DNAAF11: variants seen among roughly 807,000 people sequenced by gnomAD.
DNAAF11 encodes the protein dynein axonemal assembly factor 11.
DNAAF11 carries 45 observed loss-of-function variants against 60.8 expected under a neutral mutation model. The observed-to-expected ratio is 0.74, with a 90% CI of 0.58 to 0.95. The LOEUF (loss-of-function observed/expected upper bound fraction) is 0.95. DNAAF11 is among the 40% of genes least tolerant of loss of function. The pLI is 0.00. For missense variants in DNAAF11, 546 were observed against 546.2 expected, an observed-to-expected ratio of 1.00 and a Z score of 0.00; for synonymous variants, 191 against 183.5, an observed-to-expected ratio of 1.04 and a Z score of -0.33.
rs1814190616 is a variant in DNAAF11, at chr8:132,571,559, G to C, written c.*747C>G. On this transcript the variant is annotated 3_prime_UTR_variant, in exon 12 of 12. Coordinates refer to ENST00000620350, the MANE Select transcript of DNAAF11 (RefSeq NM_012472.6). ...GGGGAGGGAGGGGAAGAAGGAGCAG[G>C]GAGGAGGAGAGACAGGAGAAAGGGA... Among the ~76,000 whole-genome samples the C allele has an allele frequency of 6.6e-6, 1 of 152,016 alleles. No individual in the cohort carries two copies. Among genetic ancestry groups the C allele is most frequent in the Non-Finnish European group, 1.5e-5 (1 of 67,992 alleles).
At chr8:132,687,462 C>T in the DNAAF11 span, 5 of 359,224 alleles carry the variant, frequency 1.4e-5, no homozygotes, top group South Asian at 4.2e-5. Flanking sequence ...TTTCTTATAC[C>T]TTGATGATGC....
At chr8:132,657,034 T>A (rs755659813) in intron 2 of DNAAF11, 127 bp from the exon 3 acceptor site, 3 of 467,416 alleles carry the variant, frequency 6.4e-6, no homozygotes, top group South Asian at 5.2e-5. Flanking sequence ...CCATGTCACT[T>A]TTCCAAATCT....
At chr8:132,619,055 C>A (rs1819488922) in intron 7 of DNAAF11, among the ~76,000 whole-genome samples, 2 of 152,072 alleles carry the variant, frequency 1.3e-5, no homozygotes, top group South Asian at 4.1e-4. Flanking sequence ...ACCCAAATGT[C>A]CAACAATGAT....
chr8:132,621,599 C>T (rs907298932), intron 7 of DNAAF11, among the ~76,000 whole-genome samples: 2 of 152,050 alleles, frequency 1.3e-5, no homozygotes, highest in South Asian at 2.1e-4. Context: ...AAATAGAGAC[C>T]GCCTAAAGTC....
At chr8:132,608,762 G>C (rs539319333) in intron 10 of DNAAF11, among the ~76,000 whole-genome samples, 2 of 152,132 alleles carry the variant, frequency 1.3e-5, no homozygotes, top group Non-Finnish European at 2.9e-5. Context: ...GGTTACTATA[G>C]AAGCATTTCT....
intron 3 of DNAAF11, among the ~76,000 whole-genome samples, chr8:132,646,867 A>G (rs1039927220): frequency 6.6e-6 from 1 of 152,190 alleles, no homozygotes; most frequent in East Asian, 1.9e-4. Context: ...ACCTACAAAG[A>G]GACTTAGACT....
At chr8:132,574,874 A>G (rs1202356612) in intron 11 of DNAAF11, among the ~76,000 whole-genome samples, 2 of 152,154 alleles carry the variant, frequency 1.3e-5, no homozygotes, top group African/African-American at 4.8e-5. Context: ...CTGAATCCAA[A>G]TCTCTGGTAT....
the DNAAF11 span, among the ~76,000 whole-genome samples, chr8:132,695,773 G>A: frequency 1.3e-5 from 2 of 152,192 alleles, no homozygotes; most frequent in African/African-American, 2.4e-5. Flanking sequence ...TGTTTAGCAT[G>A]TGGGTGAAGC....
At chr8:132,576,017 A>G (rs561108124) in intron 11 of DNAAF11, among the ~76,000 whole-genome samples, 1 of 152,078 alleles carries the variant, frequency 6.6e-6, no homozygotes, top group East Asian at 1.9e-4. Flanking sequence ...CGCCCACTAC[A>G]TTTTTCTTTT....
chr8:132,690,316 G>C, the DNAAF11 span, among the ~76,000 whole-genome samples: 80 of 152,188 alleles, frequency 5.3e-4, 2 homozygotes, highest in Non-Finnish European at 2.9e-4. Flanking sequence ...GTGATACTGA[G>C]TTCTCATGAG....
At chr8:132,671,305 G>A (rs1350226069) in intron 1 of DNAAF11, among the ~76,000 whole-genome samples, 1 of 152,142 alleles carries the variant, frequency 6.6e-6, no homozygotes, top group Non-Finnish European at 1.5e-5. Context: ...AAAATATGAA[G>A]TACTTAGAGA....
chr8:132,658,409 G>A (rs966195817), intron 2 of DNAAF11, among the ~76,000 whole-genome samples: 5 of 152,002 alleles, frequency 3.3e-5, no homozygotes, highest in Admixed American at 6.6e-5. Flanking sequence ...TGCAAGCTCC[G>A]CCTCCCGGGT....
chr8:132,700,251 T>G, the DNAAF11 span, among the ~76,000 whole-genome samples: 1 of 152,286 alleles, frequency 6.6e-6, no homozygotes, highest in South Asian at 2.1e-4. Flanking sequence ...GTGAGGTTCC[T>G]CAGAGACTCC....
the DNAAF11 span, among the ~76,000 whole-genome samples, chr8:132,693,912 A>C: frequency 6.6e-6 from 1 of 152,212 alleles, no homozygotes; most frequent in Non-Finnish European, 1.5e-5. Context: ...GGAGACTTGA[A>C]GGCTTTGAGA....
intron 4 of DNAAF11, among the ~76,000 whole-genome samples, chr8:132,635,078 A>G (rs1425463171): frequency 6.6e-6 from 1 of 152,204 alleles, no homozygotes; most frequent in African/African-American, 2.4e-5. Flanking sequence ...CCTCATATTA[A>G]TAACTGATGA....
intron 10 of DNAAF11, chr8:132,608,547 T>C (rs1253729903): frequency 4.6e-6 from 2 of 432,928 alleles, no homozygotes; most frequent in African/African-American, 4.0e-5. Context: ...ATCAATTGGT[T>C]GGCACCCTGC....
chr8:132,687,264 G>A, the DNAAF11 span, among the ~76,000 whole-genome samples: 4 of 152,126 alleles, frequency 2.6e-5, no homozygotes, highest in Non-Finnish European at 5.9e-5. Context: ...GCTTACATGA[G>A]TGATCAAATA....
chr8:132,689,069 A>AGT, the DNAAF11 span, among the ~76,000 whole-genome samples: 4 of 152,142 alleles, frequency 2.6e-5, no homozygotes, highest in Non-Finnish European at 4.4e-5. Flanking sequence ...ATAGGCTACT[A>AGT]GGAGGTATTT....
At chr8:132,619,397 A>G (rs1819532335) in intron 7 of DNAAF11, among the ~76,000 whole-genome samples, 1 of 152,140 alleles carries the variant, frequency 6.6e-6, no homozygotes, top group Non-Finnish European at 1.5e-5. Flanking sequence ...ATGTATACAT[A>G]TGTAACTGAC....
Sources: gnomAD v4.1 joint callset for allele counts (sites outside exome capture counted in the v4.1 genomes callset) on GRCh38, gnomAD v4.1.1 for gene constraint, MANE v1.5 for transcripts, NCBI Gene and HGNC (gene_info 2026-07-23, HGNC 2026-07-21) for gene names.